The following TTC39B variants were observed in gnomAD, a reference collection of about 807,000 sequenced individuals.
The protein encoded by TTC39B is tetratricopeptide repeat protein 39B.
Under a neutral mutation model 96.6 loss-of-function variants are expected in TTC39B, and 92 were observed. The observed-to-expected ratio is 0.95, with a 90% CI of 0.80 to 1.13. TTC39B has a LOEUF of 1.13. TTC39B is among the 50% of genes most tolerant of loss of function. TTC39B has a pLI of 0.00. For synonymous variants in TTC39B, 367 were observed against 299.4 expected (o/e 1.23, Z -2.33); for missense variants, 955 against 809.3 (o/e 1.18, Z -2.18).
At chr9:15,182,407 C>G (rs1416282170) in exon 17 of TTC39B, 1 of 1,607,200 alleles carries the variant, frequency 6.2e-7, no homozygotes, top group Non-Finnish European at 8.5e-7. Flanking sequence ...TCCAGACATA[C>G]ATCATTTCCT....
intron 2 of TTC39B, among the ~76,000 whole-genome samples, chr9:15,226,953 AGAG>A (rs1025600381): frequency 9.9e-5 from 15 of 152,094 alleles, no homozygotes; most frequent in African/African-American, 1.4e-4. Context: ...CATTAAAAAA[AGAG>A]GAGAAGTTTT....
At chr9:15,300,025 T>C (rs1454805388) in intron 1 of TTC39B, among the ~76,000 whole-genome samples, 1 of 152,200 alleles carries the variant, frequency 6.6e-6, no homozygotes, top group East Asian at 1.9e-4. Flanking sequence ...GAATGTCTGT[T>C]TGTTAACCTG....
chr9:15,232,927 C>G (rs531109129), intron 2 of TTC39B, among the ~76,000 whole-genome samples: 1 of 152,248 alleles, frequency 6.6e-6, no homozygotes, highest in South Asian at 2.1e-4. Context: ...GGCGGCCGCT[C>G]AGGCACGGTT....
intron 1 of TTC39B, among the ~76,000 whole-genome samples, chr9:15,304,096 A>G (rs973167992): frequency 6.6e-6 from 1 of 152,222 alleles, no homozygotes; most frequent in African/African-American, 2.4e-5. Context: ...TCAAATCCTT[A>G]TATTTGAGGG....
chr9:15,277,389 T>C (rs1823585212), intron 1 of TTC39B, among the ~76,000 whole-genome samples: 1 of 152,132 alleles, frequency 6.6e-6, no homozygotes, highest in Non-Finnish European at 1.5e-5. Context: ...GATAGCCCCA[T>C]TGCACTCCAG....
chr9:15,252,285 T>C (rs1405996938), intron 2 of TTC39B, among the ~76,000 whole-genome samples: 1 of 152,220 alleles, frequency 6.6e-6, no homozygotes, highest in Non-Finnish European at 1.5e-5. Flanking sequence ...ATGTAACATG[T>C]AAGAGAATAA....
At chr9:15,226,091 C>T in intron 2 of TTC39B, 79 bp from the exon 3 acceptor site, 3 of 1,173,978 alleles carry the variant, frequency 2.6e-6, no homozygotes, top group Non-Finnish European at 3.7e-6. Flanking sequence ...AATTACACAA[C>T]ATAAGTCTTC....
intron 1 of TTC39B, among the ~76,000 whole-genome samples, chr9:15,276,219 C>T (rs1030020269): frequency 2.0e-5 from 3 of 152,204 alleles, no homozygotes; most frequent in Non-Finnish European, 4.4e-5. Context: ...ATTGCACCTG[C>T]CTGGCTCACC....
chr9:15,277,092 C>T (rs1372096545), intron 1 of TTC39B, among the ~76,000 whole-genome samples: 1 of 152,200 alleles, frequency 6.6e-6, no homozygotes, highest in Non-Finnish European at 1.5e-5. Flanking sequence ...TCTAGCCTTT[C>T]ACTCCCAGAC....
At chr9:15,260,420 T>C (rs1189677860) in intron 2 of TTC39B, among the ~76,000 whole-genome samples, 1 of 151,742 alleles carries the variant, frequency 6.6e-6, no homozygotes, top group Non-Finnish European at 1.5e-5. Context: ...GTAACATTTA[T>C]ATTACCTACA....
rs545882970 is a variant in TTC39B at position 15,218,632 on chromosome 9, T to TAAAAAAAAAAAAAATATATATA, written c.372-4384_372-4383insTATATATATTTTTTTTTTTTTT. Among the ~76,000 whole-genome samples the TAAAAAAAAAAAAAATATATATA allele has an allele frequency of 3.1e-3, 324 of 105,104 alleles. 2 individuals are homozygous for TAAAAAAAAAAAAAATATATATA. The highest frequency in any genetic ancestry group is 0.011 in the African/African-American group (313 of 28,090). 69.0% of individuals were successfully genotyped at this position (105,104 alleles called of 152,430 possible). On this transcript the variant is annotated intron_variant, in intron 3 of 19. Transcript: ENST00000512701. The stretch of plus-strand genomic sequence containing the variant: ...GGCAGGATGAATTTTTTAGTCTATT[T>TAAAAAAAAAAAAAATATATATA]TAAATATATATATATAATGAACACA...
chr9:15,219,086 G>C (rs770187638), intron 3 of TTC39B, among the ~76,000 whole-genome samples: 1 of 152,120 alleles, frequency 6.6e-6, no homozygotes, highest in Non-Finnish European at 1.5e-5. Flanking sequence ...AAACATAAAA[G>C]TAGTATTTTA....
At chr9:15,218,211 G>A (rs1349731283) in intron 3 of TTC39B, among the ~76,000 whole-genome samples, 1 of 144,678 alleles carries the variant, frequency 6.9e-6, no homozygotes, top group African/African-American at 2.6e-5. Flanking sequence ...TTTTTTGCAA[G>A]AGGCTCATCA....
intron 2 of TTC39B, among the ~76,000 whole-genome samples, chr9:15,254,599 G>A (rs1460770644): frequency 1.3e-5 from 2 of 152,000 alleles, no homozygotes; most frequent in Non-Finnish European, 2.9e-5. Flanking sequence ...ACTAAGTTCT[G>A]CTGAAAATAC....
intron 1 of TTC39B, among the ~76,000 whole-genome samples, chr9:15,300,705 G>A (rs1310905198): frequency 1.3e-5 from 2 of 152,050 alleles, no homozygotes; most frequent in Admixed American, 6.5e-5. Flanking sequence ...GGCCAACATG[G>A]CGAAACCCCG....
rs1009487637 is a variant in TTC39B at position 15,303,542 on chromosome 9, T to C, written c.240+3542A>G. ...GGGCACCACCATGCCCAGCTAACTATTCATATTTTTATTTTTGTAGAGACA... is the reference window on the plus strand; with the variant it reads ...GGGCACCACCATGCCCAGCTAACTACTCATATTTTTATTTTTGTAGAGACA... On this transcript the variant is annotated intron_variant, in intron 1 of 19. Transcript: ENST00000512701. Among the ~76,000 whole-genome samples, 32 of 152,080 alleles carry C rather than the reference T, an allele frequency of 2.1e-4. 1 individual carries two copies. Among genetic ancestry groups the C allele is most frequent in the Non-Finnish European group, 1.5e-4 (10 of 68,004 alleles).
At chr9:15,249,338 T>A (rs1192907997) in intron 2 of TTC39B, 1 of 152,192 alleles carries the variant, frequency 6.6e-6, no homozygotes, top group Non-Finnish European at 1.5e-5. Flanking sequence ...TAGCTCACAT[T>A]TACTGTAATC....
chr9:15,205,169 A>G (rs923027883), intron 6 of TTC39B, among the ~76,000 whole-genome samples: 2 of 152,202 alleles, frequency 1.3e-5, no homozygotes, highest in Non-Finnish European at 2.9e-5. Context: ...AGTGCTGCAC[A>G]TAGAGCTCAT....
intron 9 of TTC39B, 60 bp from the exon 10 acceptor site, chr9:15,191,315 T>A: frequency 8.5e-7 from 1 of 1,181,140 alleles, no homozygotes; most frequent in Non-Finnish European, 1.2e-6. Context: ...CAAACAAATC[T>A]AAACTAACAA....
Sources: gnomAD v4.1 joint callset for allele counts (sites outside exome capture counted in the v4.1 genomes callset) on GRCh38, gnomAD v4.1.1 for gene constraint, MANE v1.5 for transcripts, NCBI Gene and HGNC (gene_info 2026-07-23, HGNC 2026-07-21) for gene names.